The following TRDN variants were observed in gnomAD, a reference collection of about 807,000 sequenced individuals.
TRDN encodes triadin.
Under a neutral mutation model 149.7 loss-of-function variants are expected in TRDN, and 161 were observed. The observed-to-expected ratio is 1.08, with a 90% CI of 0.95 to 1.23. TRDN has a LOEUF of 1.23. Among genes scored for constraint, TRDN ranks in the 50% most tolerant of loss-of-function variants. The probability of loss-of-function intolerance (pLI) is 0.00; values close to 1 mark genes in which losing one functional copy is unlikely to be tolerated. For synonymous variants in TRDN, 294 were observed against 250.5 expected (o/e 1.17, Z -1.64); for missense variants, 896 against 823.5 (o/e 1.09, Z -1.08).
At chr6:123,538,753 T>A (rs1284400867) in intron 4 of TRDN, among the ~76,000 whole-genome samples, 1 of 152,172 alleles carries the variant, frequency 6.6e-6, no homozygotes, top group African/African-American at 2.4e-5. Flanking sequence ...ATACTAATGA[T>A]CCTTAAAAAT....
At chr6:123,343,827 T>G (rs1392757601) in intron 21 of TRDN, among the ~76,000 whole-genome samples, 2 of 152,064 alleles carry the variant, frequency 1.3e-5, no homozygotes, top group Non-Finnish European at 2.9e-5. Flanking sequence ...TTCCTGTACA[T>G]TCTTTCTGTA....
rs574331959 is a variant in TRDN, at chr6:123,349,953, A to G, written c.1369+2586T>C. On this transcript the variant is annotated intron_variant, in intron 21 of 40. Coordinates refer to ENST00000334268, the MANE Select transcript of TRDN (RefSeq NM_006073.4). ...TGTAGGGAACCATTGTTTACAGAAT[A>G]GCATCAAAAGCAAAGAAAGAAACTC... 9.1e-6 allele frequency: 9 copies of G among 985,394 alleles called. No individual in the cohort carries two copies. The South Asian group carries it at 3.8e-4, about 41-fold the overall frequency. The allele number at this position is 985,394 out of a possible 1,614,324, so 61.0% of individuals were successfully genotyped here. A position where few individuals can be genotyped will look rare whatever the true frequency, so the allele number is the denominator to read the frequency against.
chr6:123,296,049 A>G (rs1162177722), intron 24 of TRDN, among the ~76,000 whole-genome samples: 1 of 152,094 alleles, frequency 6.6e-6, no homozygotes, highest in Non-Finnish European at 1.5e-5. Context: ...TAAATTGCTT[A>G]ATGGGGAAAT....
At chr6:123,464,276 A>T in intron 10 of TRDN, 1 of 985,096 alleles carries the variant, frequency 1.0e-6, no homozygotes. Flanking sequence ...AATTTATTAC[A>T]AAGCTGATCT....
At chr6:123,227,656 A>G (rs1014118323) in intron 38 of TRDN, among the ~76,000 whole-genome samples, 1 of 152,014 alleles carries the variant, frequency 6.6e-6, no homozygotes, top group Non-Finnish European at 1.5e-5. Flanking sequence ...GCTAGGCCCT[A>G]TTAAGTTATT....
intron 35 of TRDN, among the ~76,000 whole-genome samples, chr6:123,257,656 G>T (rs745741166): frequency 1.3e-5 from 2 of 152,136 alleles, no homozygotes; most frequent in East Asian, 3.8e-4. Flanking sequence ...GAAATTTAAA[G>T]TAGTTTTTTC....
chr6:123,528,674 A>G (rs927340802), intron 5 of TRDN: 3 of 987,484 alleles, frequency 3.0e-6, no homozygotes, highest in Non-Finnish European at 3.6e-6. Flanking sequence ...TCCACATACA[A>G]GAGCAGTTGT....
chr6:123,340,451 G>T (rs1002812252), intron 21 of TRDN, among the ~76,000 whole-genome samples: 2 of 152,030 alleles, frequency 1.3e-5, no homozygotes, highest in African/African-American at 4.8e-5. Flanking sequence ...CTGGCTTGGT[G>T]TCAACATTGA....
At chr6:123,549,452 T>G (rs1781279077) in intron 2 of TRDN, among the ~76,000 whole-genome samples, 1 of 152,104 alleles carries the variant, frequency 6.6e-6, no homozygotes, top group Admixed American at 6.6e-5. Context: ...TTTATCAAGC[T>G]GTAATTAAAT....
chr6:123,614,293 A>AC (rs1304120174), intron 1 of TRDN, among the ~76,000 whole-genome samples: 6 of 133,774 alleles, frequency 4.5e-5, no homozygotes, highest in African/African-American at 1.8e-4. Context: ...TTCATTAAAA[A>AC]AAAAAACAAA....
chr6:123,487,576 C>T (rs959540219), intron 9 of TRDN, among the ~76,000 whole-genome samples: 12 of 152,066 alleles, frequency 7.9e-5, no homozygotes, highest in African/African-American at 2.7e-4. Context: ...CATTGTTCTG[C>T]TTAAAGTCCT....
intron 24 of TRDN, among the ~76,000 whole-genome samples, chr6:123,284,251 G>T (rs1777722089): frequency 6.6e-6 from 1 of 151,122 alleles, no homozygotes; most frequent in Admixed American, 6.6e-5. Flanking sequence ...TAACATAGAT[G>T]CAAAAACTCC....
chr6:123,634,207 A>G (rs1390235431), intron 1 of TRDN, among the ~76,000 whole-genome samples: 2 of 152,004 alleles, frequency 1.3e-5, no homozygotes, highest in African/African-American at 4.8e-5. Flanking sequence ...GAGGCAAGAG[A>G]ATCTTGGCTT....
At chr6:123,574,857 C>CATACATATAT (rs1782755649) in intron 1 of TRDN, among the ~76,000 whole-genome samples, 1 of 50,570 alleles carries the variant, frequency 2.0e-5, no homozygotes, top group Admixed American at 2.6e-4. Context: ...TTTATATATA[C>CATACATATAT]ATATATATAT....
chr6:123,562,682 T>C (rs1270827641), intron 2 of TRDN, among the ~76,000 whole-genome samples: 3 of 152,066 alleles, frequency 2.0e-5, no homozygotes, highest in Non-Finnish European at 4.4e-5. Flanking sequence ...AAATAAAGGG[T>C]AGGATGCAAA....
intron 12 of TRDN, among the ~76,000 whole-genome samples, chr6:123,405,066 G>A (rs143010444): frequency 6.0e-4 from 91 of 152,260 alleles, no homozygotes; most frequent in African/African-American, 1.7e-3. Flanking sequence ...ACATCTTCAC[G>A]TATTGCAGCA....
At chr6:123,265,093 G>A (rs1776893865) in intron 33 of TRDN, among the ~76,000 whole-genome samples, 1 of 151,742 alleles carries the variant, frequency 6.6e-6, no homozygotes, top group East Asian at 1.9e-4. Context: ...ATTGGTCTAG[G>A]GCTTCTTGCT....
At chr6:123,411,039 A>C (rs1322925281) in intron 12 of TRDN, among the ~76,000 whole-genome samples, 1 of 113,134 alleles carries the variant, frequency 8.8e-6, no homozygotes, top group Non-Finnish European at 1.7e-5. Context: ...ATGTATGAAT[A>C]ACTTTCTTTC....
intron 12 of TRDN, among the ~76,000 whole-genome samples, chr6:123,397,407 T>C (rs948493199): frequency 7.2e-5 from 11 of 152,188 alleles, no homozygotes; most frequent in Non-Finnish European, 8.8e-5. Flanking sequence ...CTCGTACAAC[T>C]TCCCTTCCTA....
Sources: allele counts gnomAD v4.1 joint callset (sites outside exome capture counted in the v4.1 genomes callset), GRCh38; gene constraint gnomAD v4.1.1; transcripts MANE v1.5; gene names NCBI Gene and HGNC (gene_info 2026-07-23, HGNC 2026-07-21).